GTF2IRD1: variants seen among roughly 807,000 people sequenced by gnomAD.
GTF2IRD1 encodes general transcription factor II-I repeat domain-containing protein 1.
GTF2IRD1 carries 26 observed loss-of-function variants against 113.2 expected under a neutral mutation model. The observed-to-expected ratio is 0.23, with a 90% CI of 0.17 to 0.32. GTF2IRD1 has a LOEUF of 0.32. GTF2IRD1 is among the 10% of genes least tolerant of loss of function. The pLI is 1.00. For missense variants in GTF2IRD1, 864 were observed against 1,280.8 expected, an observed-to-expected ratio of 0.67 and a Z score of 4.97; for synonymous variants, 484 against 529.1, an observed-to-expected ratio of 0.91 and a Z score of 1.17.
At chr7:74,542,693 A>G (rs1242923907) in intron 14 of GTF2IRD1, among the ~76,000 whole-genome samples, 9 of 152,194 alleles carry the variant, frequency 5.9e-5, no homozygotes. Flanking sequence ...CTATCCAGAG[A>G]GTTTGGTTGA....
At chr7:74,542,588 T>C (rs587602589) in intron 14 of GTF2IRD1, among the ~76,000 whole-genome samples, 1 of 152,346 alleles carries the variant, frequency 6.6e-6, no homozygotes, top group East Asian at 1.9e-4. Context: ...AAATCAGTTA[T>C]GATGCACTTC....
chr7:74,521,139 A>G (rs1279012411), intron 6 of GTF2IRD1, 69 bp from the exon 7 acceptor site: 3 of 857,564 alleles, frequency 3.5e-6, no homozygotes, highest in Non-Finnish European at 6.0e-6. Context: ...GGGCCTGTGC[A>G]CTGGGGCCAG....
chr7:74,567,717 A>T (rs373560140), intron 22 of GTF2IRD1, among the ~76,000 whole-genome samples: 2 of 152,086 alleles, frequency 1.3e-5, no homozygotes, highest in East Asian at 3.9e-4. Flanking sequence ...GTCTAAAAGG[A>T]TCACCTTTTA....
intron 5 of GTF2IRD1, 79 bp from the exon 6 acceptor site, chr7:74,519,330 A>T (rs1005894305): frequency 1.0e-5 from 10 of 959,294 alleles, no homozygotes; most frequent in South Asian, 1.8e-5. Flanking sequence ...GAGGGCAGGG[A>T]TGCGGGGTTT....
At chr7:74,490,695 G>A (rs575473143) in intron 1 of GTF2IRD1, among the ~76,000 whole-genome samples, 10 of 152,154 alleles carry the variant, frequency 6.6e-5, no homozygotes, top group African/African-American at 1.9e-4. Flanking sequence ...TACGTGGTTG[G>A]GTGTATTTTT....
chr7:74,547,786 G>A (rs1799042762), intron 17 of GTF2IRD1, among the ~76,000 whole-genome samples: 1 of 136,440 alleles, frequency 7.3e-6, no homozygotes, highest in Non-Finnish European at 1.5e-5. Flanking sequence ...TTGACAGCAA[G>A]GTGTTAGATG....
chr7:74,579,139 T>C (rs1220897216), intron 22 of GTF2IRD1, among the ~76,000 whole-genome samples: 2 of 151,994 alleles, frequency 1.3e-5, no homozygotes, highest in African/African-American at 4.8e-5. Context: ...CTGGGCAACA[T>C]AGCAAGATCC....
chr7:74,512,432 C>T lies in GTF2IRD1; in HGVS notation c.124-398C>T, dbSNP rs967543957. ...GCTCAAGTCCCACAGCAGAAGTGGC[C>T]GAGGTGGGATTGCAGCCCCAGTCTG... On this transcript the variant is annotated intron_variant, in intron 2 of 26. Coordinates refer to ENST00000424337, the MANE Select transcript of GTF2IRD1 (RefSeq NM_005685.4). This position sits in a 1 kb window ranked among gnomAD's most constrained non-coding sequence, Gnocchi z 4.4. Among the ~76,000 whole-genome samples the T allele has an allele frequency of 6.6e-6, 1 of 152,110 alleles. No individual in the cohort carries two copies. The highest frequency in any genetic ancestry group is 1.5e-5 in the Non-Finnish European group (1 of 68,008).
chr7:74,458,200 G>A (rs141187428), intron 1 of GTF2IRD1, among the ~76,000 whole-genome samples: 22 of 152,116 alleles, frequency 1.4e-4, no homozygotes, highest in Middle Eastern at 3.4e-3. Context: ...GGGGGCTTCC[G>A]GGATAATATG....
chr7:74,563,656 T>G (rs1415111994), intron 22 of GTF2IRD1, among the ~76,000 whole-genome samples: 14 of 149,940 alleles, frequency 9.3e-5, no homozygotes, highest in African/African-American at 3.4e-4. Flanking sequence ...GAGGCCAAGG[T>G]AGGAGGATCA....
chr7:74,553,665 G>A (rs587685554), intron 17 of GTF2IRD1, among the ~76,000 whole-genome samples: 238 of 152,276 alleles, frequency 1.6e-3, no homozygotes, highest in African/African-American at 5.5e-3. Context: ...AGTGGCCGAC[G>A]GGAGAGGCCG....
At chr7:74,589,655 G>A (rs1372815135) in intron 22 of GTF2IRD1, among the ~76,000 whole-genome samples, 196 bp from the exon 23 acceptor site, 2 of 150,986 alleles carry the variant, frequency 1.3e-5, no homozygotes, top group African/African-American at 2.4e-5. Flanking sequence ...CTGAGATCAC[G>A]CCACTGCACT....
Position 74,590,971 on chromosome 7 carries a change from C to T in GTF2IRD1, c.2545C>T (p.Leu849=), listed in dbSNP as rs1554369389. The T allele has an allele frequency of 1.3e-5, 21 of 1,613,406 alleles. No homozygotes were observed. Among genetic ancestry groups the T allele is most frequent in the Non-Finnish European group, 1.6e-5 (19 of 1,179,974 alleles). Residue 849 remains leucine, a synonymous_variant, in exon 24 of 27, where the codon CTG becomes TTG. Transcript: ENST00000424337. ...CGACATCCACCGGCTGGAGAAGATC[C>T]TGAAGGCCCGAGAGCATGTCCGCAT... The part of the protein sequence containing the change: ...TYDIHRLEKI[L]KAREHVRMVI...
chr7:74,580,906 T>C (rs1554365929), intron 22 of GTF2IRD1, among the ~76,000 whole-genome samples: 1 of 152,196 alleles, frequency 6.6e-6, no homozygotes, highest in Non-Finnish European at 1.5e-5. Flanking sequence ...CTCTGAAATG[T>C]TTGCAACTGT....
chr7:74,472,546 A>T (rs181293016), intron 1 of GTF2IRD1, among the ~76,000 whole-genome samples: 1 of 152,288 alleles, frequency 6.6e-6, no homozygotes, highest in Non-Finnish European at 1.5e-5. Context: ...CGGGAGTTCG[A>T]GAGCAGCCTG....
Position 74,547,152 on chromosome 7 carries a change from T to G in GTF2IRD1, c.1782T>G (p.Phe594Leu). Reference sequence around the variant, plus strand: ...CCGTCAAGGTGCCGTACTCCAAGTTTCTGATGCACCCGGAGGAGCTGTTTG... The same window carrying G: ...CCGTCAAGGTGCCGTACTCCAAGTTGCTGATGCACCCGGAGGAGCTGTTTG... Reference protein sequence around the residue: ...SEPVKVPYSKFLMHPEELFVV... With the variant: ...SEPVKVPYSKLLMHPEELFVV... The change falls in exon 17 of 27, where the codon TTT becomes TTG. Residue 594 changes from phenylalanine (F) to leucine (L), a missense_variant. Physicochemically the swap from Phe to Leu is conservative, Grantham distance 22. Coordinates refer to ENST00000424337, the MANE Select transcript of GTF2IRD1 (RefSeq NM_005685.4). 6.2e-7 allele frequency: 1 copy of G among 1,613,682 alleles called. No homozygotes were observed. Among genetic ancestry groups the G allele is most frequent in the Non-Finnish European group, 8.5e-7 (1 of 1,179,832 alleles).
At chr7:74,583,261 T>C (rs1801523276) in intron 22 of GTF2IRD1, among the ~76,000 whole-genome samples, 1 of 152,006 alleles carries the variant, frequency 6.6e-6, no homozygotes, top group South Asian at 2.1e-4. Flanking sequence ...CAATCATGGC[T>C]TACTGCAACA....
chr7:74,471,149 A>G (rs1354154801), intron 1 of GTF2IRD1, among the ~76,000 whole-genome samples: 1 of 152,158 alleles, frequency 6.6e-6, no homozygotes, highest in Admixed American at 6.5e-5. Context: ...AGGATTAGGG[A>G]CAGGGTTTGC....
At chr7:74,532,520 C>T (rs1798021175) in intron 9 of GTF2IRD1, among the ~76,000 whole-genome samples, 2 of 152,202 alleles carry the variant, frequency 1.3e-5, no homozygotes. Flanking sequence ...CGCCACTGCA[C>T]TCCAGCCTGG....
Sources: gnomAD v4.1 joint callset for allele counts (sites outside exome capture counted in the v4.1 genomes callset) on GRCh38, gnomAD v4.1.1 for gene constraint, Gnocchi (gnomAD v3.1) non-coding constraint, MANE v1.5 for transcripts, NCBI Gene and HGNC (gene_info 2026-07-23, HGNC 2026-07-21) for gene names.